The following RP1 variants were observed in gnomAD, a reference collection of about 807,000 sequenced individuals.
The protein encoded by RP1 is RP1 axonemal microtubule associated, also known as oxygen-regulated protein 1.
Under a neutral mutation model 14.8 loss-of-function variants are expected in RP1, and 16 were observed. The observed-to-expected ratio is 1.08, with a 90% CI of 0.73 to 1.65. The LOEUF is 1.65. RP1 is among the 40% of genes most tolerant of loss of function. The probability of loss-of-function intolerance (pLI) is 0.00; values close to 1 mark genes in which losing one functional copy is unlikely to be tolerated. For missense variants in RP1, 2,631 were observed against 2,535.0 expected (o/e 1.04, Z -0.81); for synonymous variants, 876 against 883.6 (o/e 0.99, Z 0.15).
At chr8:54,669,779 A>G (rs1807106895) in intron 7 of RP1, among the ~76,000 whole-genome samples, 1 of 152,072 alleles carries the variant, frequency 6.6e-6, no homozygotes, top group Admixed American at 6.6e-5. Context: ...TCACAAGGAC[A>G]GAAAACCAAA....
At chr8:54,731,360 A>AGAAG (rs1808790286) in intron 17 of RP1, among the ~76,000 whole-genome samples, 1 of 152,150 alleles carries the variant, frequency 6.6e-6, no homozygotes, top group South Asian at 2.1e-4. Flanking sequence ...AGGGTGACCG[A>AGAAG]GAAGGAGTCT....
rs147528823 is a variant in RP1 at position 54,678,677 on chromosome 8, G to A, written c.1478+141G>A. 2.0e-3 allele frequency: 1,159 copies of A among 590,690 alleles called. 4 individuals are homozygous for A. Among genetic ancestry groups the A allele is most frequent in the South Asian group, 2.7e-3 (119 of 44,342 alleles). The allele number at this position is 590,690 out of a possible 1,614,324, so 36.6% of individuals were successfully genotyped here. On this transcript the variant is annotated intron_variant, in intron 9 of 22. Transcript: ENST00000636932. ...ACTTTTGTGAACATTAATTTTAGTG[G>A]CTCTTTATGCTATTGAGACAGACAT...
At chr8:54,837,786 C>T (rs767737898) in intron 25 of RP1, 10 of 514,456 alleles carry the variant, frequency 1.9e-5, no homozygotes, top group Non-Finnish European at 3.0e-5. Flanking sequence ...TCTCACACTT[C>T]GTGGGCTATA....
chr8:54,719,917 G>T (rs1311420091), intron 15 of RP1, among the ~76,000 whole-genome samples: 1 of 152,130 alleles, frequency 6.6e-6, no homozygotes, highest in African/African-American at 2.4e-5. Flanking sequence ...TTGTCCAAAG[G>T]CATGTGTCCT....
chr8:54,697,098 G>C (rs373832957), intron 12 of RP1: 1 of 1,562,006 alleles, frequency 6.4e-7, no homozygotes, highest in Non-Finnish European at 8.7e-7. Context: ...CCTGGCTATC[G>C]GGGTGAACGC....
chr8:54,815,525 A>T (rs1811117203), intron 24 of RP1, among the ~76,000 whole-genome samples: 1 of 152,180 alleles, frequency 6.6e-6, no homozygotes. Context: ...CCTTACATAA[A>T]ATGTGAATAT....
intron 7 of RP1, among the ~76,000 whole-genome samples, chr8:54,668,696 G>T (rs1297304261): frequency 6.6e-6 from 1 of 152,184 alleles, no homozygotes; most frequent in East Asian, 1.9e-4. Flanking sequence ...CAATGGAACA[G>T]AGCAGAGGCC....
chr8:54,628,184 T>C lies in RP1; in HGVS notation c.4302T>C (p.Tyr1434=), dbSNP rs1238101955. 1.9e-6 allele frequency: 3 copies of C among 1,614,010 alleles called. No homozygotes were observed. Among genetic ancestry groups the C allele is most frequent in the South Asian group, 2.2e-5 (2 of 91,076 alleles). The stretch of plus-strand genomic sequence containing the variant: ...GGAAGTTTCAGGATGAAAATGCATA[T>C]ACTTCCTTTGATATGGAAGAACCAC... ...SLRKFQDENA[Y]TSFDMEEPRT... is the part of the protein sequence containing the mutation. The change falls in exon 4 of 4, where the codon TAT becomes TAC. Residue 1434 remains tyrosine (Y), a synonymous_variant. Transcript: ENST00000220676.
chr8:54,794,388 G>GA (rs1563378464), intron 24 of RP1, among the ~76,000 whole-genome samples: 1 of 149,196 alleles, frequency 6.7e-6, no homozygotes, highest in African/African-American at 2.4e-5. Flanking sequence ...AAACGGAACA[G>GA]AATCAAGAGC....
intron 1 of RP1, among the ~76,000 whole-genome samples, chr8:54,573,775 T>C (rs761975052): frequency 1.3e-5 from 2 of 152,212 alleles, no homozygotes; most frequent in Non-Finnish European, 2.9e-5. Flanking sequence ...TGAATATACA[T>C]GGCATTTAAA....
chr8:54,838,322 T>C (rs192754268), intron 25 of RP1, among the ~76,000 whole-genome samples: 3 of 152,346 alleles, frequency 2.0e-5, no homozygotes, highest in Non-Finnish European at 4.4e-5. Context: ...TTTCTCTCTG[T>C]CCATTCCTGG....
chr8:54,586,805 T>A (rs926945042), intron 1 of RP1, among the ~76,000 whole-genome samples: 1 of 152,222 alleles, frequency 6.6e-6, no homozygotes, highest in Admixed American at 6.5e-5. Context: ...AGGTGCGGGA[T>A]ATAATCTCGT....
chr8:54,711,711 A>C (rs1253798146), intron 15 of RP1, among the ~76,000 whole-genome samples: 1 of 152,188 alleles, frequency 6.6e-6, no homozygotes, highest in Non-Finnish European at 1.5e-5. Context: ...GTAGTTATTA[A>C]AAGATTTGCC....
At chr8:54,768,259 T>C (rs1809814282) in intron 22 of RP1, among the ~76,000 whole-genome samples, 1 of 152,228 alleles carries the variant, frequency 6.6e-6, no homozygotes, top group Admixed American at 6.5e-5. Flanking sequence ...TTTAATTTTT[T>C]TGTTCTTCAT....
intron 25 of RP1, among the ~76,000 whole-genome samples, chr8:54,839,431 A>C (rs138818304): frequency 2.1e-3 from 327 of 152,310 alleles, no homozygotes; most frequent in African/African-American, 7.5e-3. Flanking sequence ...TGAGCACCAG[A>C]GGAAATCCTG....
At chr8:54,766,255 A>G (rs755986286) in intron 22 of RP1, among the ~76,000 whole-genome samples, 1 of 152,210 alleles carries the variant, frequency 6.6e-6, no homozygotes, top group Non-Finnish European at 1.5e-5. Context: ...ATAAAAAAAG[A>G]TGTTGAAATT....
chr8:54,780,207 C>T (rs1218383633), intron 23 of RP1, among the ~76,000 whole-genome samples: 1 of 152,216 alleles, frequency 6.6e-6, no homozygotes, highest in African/African-American at 2.4e-5. Context: ...AGCATGGCGT[C>T]ATTCCAATGA....
In RP1 at chr8:54,822,755, C is replaced by T. The variant is rs560720146; in HGVS notation, c.3616-14695C>T. On this transcript the variant is annotated intron_variant, in intron 24 of 28. Transcript: ENST00000637698. ...AGGACTGCCTCAGCCCTGCAGGCAT[C>T]AACATTAGCCAACTAAAGAAGAGTT... Among the ~76,000 whole-genome samples the T allele has an allele frequency of 2.4e-4, 36 of 152,238 alleles. No homozygotes were observed. In the East Asian group the frequency reaches 6.8e-3, roughly 29 times the overall value.
chr8:54,870,696 C>T (rs1017887995), exon 29 of RP1: 1 of 152,164 alleles, frequency 6.6e-6, no homozygotes, highest in Non-Finnish European at 1.5e-5. Flanking sequence ...GGCACATAAG[C>T]TAAAACTCAT....
Sources: allele counts gnomAD v4.1 joint callset (sites outside exome capture counted in the v4.1 genomes callset), GRCh38; gene constraint gnomAD v4.1.1; transcripts MANE v1.5; gene names NCBI Gene and HGNC (gene_info 2026-07-23, HGNC 2026-07-21).